Variants in DNMT3L observed in about 807,000 individuals in gnomAD.
DNMT3L encodes DNA (cytosine-5)-methyltransferase 3-like.
A neutral mutation model predicts 36.2 loss-of-function variants in DNMT3L; 33 were observed. The ratio of observed to expected loss-of-function variants is 0.91; its 90% confidence interval spans 0.69 to 1.22. DNMT3L has a LOEUF of 1.22. Among genes scored for constraint, DNMT3L ranks in the 50% most tolerant of loss-of-function variants. The probability of loss-of-function intolerance (pLI) is 0.00; values close to 1 mark genes in which losing one functional copy is unlikely to be tolerated. For synonymous variants in DNMT3L, 117 were observed against 121.7 expected, an observed-to-expected ratio of 0.96 and a Z score of 0.26; for missense variants, 310 against 303.1, an observed-to-expected ratio of 1.02 and a Z score of -0.17.
rs2040306417 is a variant in DNMT3L at position 44,260,356 on chromosome 21, T to C, written c.151+439A>G. 4.6e-5 allele frequency among the ~76,000 whole-genome samples: 7 copies of C among 152,218 alleles called. No homozygotes were observed. The South Asian group carries it at 1.4e-3, about 32-fold the overall frequency. ...ACCTTCTAAAATTAGATGGTGATGATGGTTGCTGACTCTGTAAATAAACTA... is the reference window on the plus strand; with the variant it reads ...ACCTTCTAAAATTAGATGGTGATGACGGTTGCTGACTCTGTAAATAAACTA... On this transcript the variant is annotated intron_variant, in intron 3 of 11. Transcript: ENST00000628202.
chr21:44,256,279 C>T, intron 6 of DNMT3L, 125 bp from the exon 7 acceptor site: 2 of 980,014 alleles, frequency 2.0e-6, no homozygotes, highest in South Asian at 2.9e-5. Flanking sequence ...ACACATAAGA[C>T]ACACCTGCTG....
In DNMT3L at chr21:44,258,461, G is replaced by A. The variant is rs564105131; in HGVS notation, c.516+62C>T. On this transcript the variant is annotated intron_variant, in intron 6 of 11. Coordinates refer to ENST00000628202, the MANE Select transcript of DNMT3L (RefSeq NM_175867.3). This position sits in a 1 kb window ranked among gnomAD's most constrained non-coding sequence, Gnocchi z 6.2. Reference sequence around the variant, plus strand: ...GCGCCTGCATTCTGCAGCGGGAACCGAGGGAAGGCCGTAAGTCAGGGCCTG... The same window carrying A: ...GCGCCTGCATTCTGCAGCGGGAACCAAGGGAAGGCCGTAAGTCAGGGCCTG... 55 of 1,480,812 alleles carry A rather than the reference G, an allele frequency of 3.7e-5. No individual in the cohort carries two copies. Among genetic ancestry groups the A allele is most frequent in the East Asian group, 2.8e-4 (11 of 39,716 alleles). The allele number at this position is 1,480,812 out of a possible 1,614,324, so 91.7% of individuals were successfully genotyped here. A position where few individuals can be genotyped will look rare whatever the true frequency, so the allele number is the denominator to read the frequency against.
chr21:44,255,037 AGGCT>A (rs1474890995), intron 7 of DNMT3L, among the ~76,000 whole-genome samples: 1 of 151,156 alleles, frequency 6.6e-6, no homozygotes, highest in Non-Finnish European at 1.5e-5. Context: ...CATGTTGGCC[AGGCT>A]GGTCTCCAAC....
intron 6 of DNMT3L, among the ~76,000 whole-genome samples, chr21:44,257,477 C>G (rs150584792): frequency 6.6e-6 from 1 of 151,562 alleles, no homozygotes; most frequent in African/African-American, 2.4e-5. Context: ...GTCAGGAGAT[C>G]GAGACCATCC....
chr21:44,254,927 G>C (rs756701203), intron 7 of DNMT3L, among the ~76,000 whole-genome samples: 5 of 152,160 alleles, frequency 3.3e-5, no homozygotes, highest in Admixed American at 6.5e-5. Context: ...CCAGGTTCAA[G>C]CGGTTCCCCT....
intron 7 of DNMT3L, among the ~76,000 whole-genome samples, chr21:44,255,053 C>T (rs1437636068): frequency 6.6e-6 from 1 of 151,848 alleles, no homozygotes; most frequent in African/African-American, 2.4e-5. Flanking sequence ...GTCTCCAACT[C>T]CTGACCTCAA....
intron 7 of DNMT3L, among the ~76,000 whole-genome samples, chr21:44,255,505 C>CACAAA (rs1555867982): frequency 2.1e-5 from 3 of 145,830 alleles, no homozygotes; most frequent in Non-Finnish European, 4.5e-5. Context: ...GACTCCGCCT[C>CACAAA]AAAAAAAAAA....
Position 44,254,689 on chromosome 21 carries a change from GC to G in DNMT3L, c.620del (p.Gly207AlafsTer12). On this transcript the variant is annotated frameshift_variant, in exon 8 of 12. Coordinates refer to ENST00000628202, the MANE Select transcript of DNMT3L (RefSeq NM_175867.3). LOFTEE classifies it high-confidence loss of function. ...EDIKKELTSLGFLESGSDPGQ... is the reference protein window; with the variant it reads ...EDIKKELTSLXFLESGSDPGQ... ...CCGGGTCAGAACCACTTTCCAAAAA[GC>G]CCAAACTCGTCAGCTCTGGATGGGG... The G allele has an allele frequency of 6.2e-7, 1 of 1,613,928 alleles. No homozygotes were observed. The highest frequency in any genetic ancestry group is 1.1e-5 in the South Asian group (1 of 91,068).
chr21:44,261,077 G>A, intron 2 of DNMT3L, 77 bp downstream of exon 2: 9 of 1,548,592 alleles, frequency 5.8e-6, no homozygotes, highest in Non-Finnish European at 8.0e-6. Flanking sequence ...TACTCCAGAA[G>A]CCTGGAACTC....
At chr21:44,261,007 G>A (rs1279663563) in intron 2 of DNMT3L, 147 bp downstream of exon 2, 11 of 1,345,818 alleles carry the variant, frequency 8.2e-6, no homozygotes, top group Non-Finnish European at 1.1e-5. Flanking sequence ...CCCATACCTG[G>A]GGGAAGACTG....
At chr21:44,255,310 C>G (rs1172955383) in intron 7 of DNMT3L, among the ~76,000 whole-genome samples, 3 of 152,020 alleles carry the variant, frequency 2.0e-5, no homozygotes, top group African/African-American at 7.2e-5. Context: ...CACCTGAGGT[C>G]AGGAGTTCAA....
At chr21:44,257,944 G>T (rs887631714) in intron 6 of DNMT3L, among the ~76,000 whole-genome samples, 1 of 152,124 alleles carries the variant, frequency 6.6e-6, no homozygotes, top group Non-Finnish European at 1.5e-5. Context: ...TGTCTTCTCC[G>T]TCTCCATTTC....
rs537228683 is a variant in DNMT3L, at chr21:44,254,708, G to A, written c.605-3C>T. 12 of 1,613,884 alleles carry A rather than the reference G, an allele frequency of 7.4e-6. No homozygotes were observed. The South Asian group carries it at 9.9e-5, about 13-fold the overall frequency. The stretch of plus-strand genomic sequence containing the variant: ...CAAAAAGCCCAAACTCGTCAGCTCT[G>A]GATGGGGAGAGACCAGAAGGGCCCA... On this transcript the variant is annotated splice_polypyrimidine_tract_variant and splice_region_variant and intron_variant, in intron 7 of 11. Transcript: ENST00000628202.
intron 1 of DNMT3L, among the ~76,000 whole-genome samples, 170 bp downstream of exon 1, chr21:44,261,570 A>G (rs1344492324): frequency 6.6e-6 from 1 of 152,134 alleles, no homozygotes; most frequent in East Asian, 1.9e-4. Context: ...CCTGGGGCCA[A>G]TGGCCGCTGC....
Position 44,259,549 on chromosome 21 carries a change from C to G in DNMT3L, c.232G>C (p.Asp78His), listed in dbSNP as rs1227060038. The G allele has an allele frequency of 6.2e-7, 1 of 1,613,674 alleles. No individual in the cohort carries two copies. The highest frequency in any genetic ancestry group is 2.2e-5 in the East Asian group (1 of 44,880). The change falls in exon 5 of 12, where the codon GAC becomes CAC. Residue 78 changes from aspartate to histidine, a missense_variant and splice_region_variant. Coordinates refer to ENST00000628202, the MANE Select transcript of DNMT3L (RefSeq NM_175867.3). ...AGGAAGAGGGCATCCAGGAACTTGT[C>G]CTTGGAAGGAGCAAAGCAAGGCTGG... The part of the protein sequence containing the change: ...FEGGICAPCK[D>H]KFLDALFLYD...
intron 1 of DNMT3L, 113 bp from the exon 2 acceptor site, chr21:44,261,379 C>T: frequency 2.1e-6 from 2 of 957,062 alleles, no homozygotes; most frequent in Non-Finnish European, 3.1e-6. Context: ...CTAGTTCAGG[C>T]CACCTGAACC....
Position 44,261,180 on chromosome 21 carries a change from C to A in DNMT3L, c.80G>T (p.Ser27Ile), listed in dbSNP as rs1274912715. ...TCTGCCTGTCCCGGGTGAAACGGAGCTTGAGAGCTCACTGGATCCCACCAA... is the reference window on the plus strand; with the variant it reads ...TCTGCCTGTCCCGGGTGAAACGGAGATTGAGAGCTCACTGGATCCCACCAA... The part of the protein sequence containing the change: ...VILVGSSELS[S>I]SVSPGTGRDL... Residue 27 changes from serine (S) to isoleucine (I), a missense_variant, in exon 2 of 12, where the codon AGC becomes ATC. Physicochemically the swap from Ser to Ile is moderately radical, Grantham distance 142. Coordinates refer to ENST00000628202, the MANE Select transcript of DNMT3L (RefSeq NM_175867.3). The A allele has an allele frequency of 1.2e-6, 2 of 1,612,720 alleles. No homozygotes were observed. The highest frequency in any genetic ancestry group is 4.5e-5 in the East Asian group (2 of 44,892).
intron 7 of DNMT3L, 33 bp from the exon 8 acceptor site, chr21:44,254,738 G>A (rs1009102262): frequency 1.1e-5 from 17 of 1,611,716 alleles, no homozygotes; most frequent in Non-Finnish European, 1.4e-5. Context: ...GGCCCAGAGG[G>A]TGAGCGTGGA....
At chr21:44,261,052 T>G in intron 2 of DNMT3L, 102 bp downstream of exon 2, 2 of 1,478,930 alleles carry the variant, frequency 1.4e-6, no homozygotes, top group Non-Finnish European at 9.3e-7. Flanking sequence ...CCCGGGTGCC[T>G]GAATAATGCA....
Sources: allele counts gnomAD v4.1 joint callset (sites outside exome capture counted in the v4.1 genomes callset), GRCh38; gene constraint gnomAD v4.1.1; non-coding constraint Gnocchi (gnomAD v3.1); transcripts MANE v1.5; gene names NCBI Gene and HGNC (gene_info 2026-07-23, HGNC 2026-07-21).